The following CNTN1 variants were observed in gnomAD, a reference collection of about 807,000 sequenced individuals.
CNTN1 encodes the protein contactin 1.
A neutral mutation model predicts 126.4 loss-of-function variants in CNTN1; 38 were observed. The ratio of observed to expected loss-of-function variants is 0.30; its 90% CI spans 0.23 to 0.39. The LOEUF is 0.39. Ranked by LOEUF, CNTN1 falls within the 10% of genes least tolerant of loss-of-function variation. The pLI is 1.00. For missense variants in CNTN1, 1,009 were observed against 1,248.4 expected, an observed-to-expected ratio of 0.81 and a Z score of 2.89; for synonymous variants, 413 against 422.6, an observed-to-expected ratio of 0.98 and a Z score of 0.28.
chr12:40,700,756 C>T (rs1172287225), intron 1 of CNTN1, among the ~76,000 whole-genome samples: 1 of 151,570 alleles, frequency 6.6e-6, no homozygotes, highest in Non-Finnish European at 1.5e-5. Flanking sequence ...TTACAAACAC[C>T]GAGATATAAG....
intron 1 of CNTN1, among the ~76,000 whole-genome samples, chr12:40,891,690 T>C (rs1246732385): frequency 2.0e-5 from 3 of 152,216 alleles, no homozygotes; most frequent in East Asian, 3.9e-4. Context: ...AGTCAGTTGA[T>C]TATCTTTATA....
chr12:40,697,495 G>A (rs1306379368), intron 1 of CNTN1, among the ~76,000 whole-genome samples: 1 of 152,050 alleles, frequency 6.6e-6, no homozygotes, highest in African/African-American at 2.4e-5. Flanking sequence ...TCTGCATCTT[G>A]TTCTTTGCAT....
chr12:40,943,149 C>T (rs1946314483), intron 12 of CNTN1, among the ~76,000 whole-genome samples: 2 of 151,966 alleles, frequency 1.3e-5, no homozygotes, highest in African/African-American at 4.8e-5. Context: ...TTAATTTGTT[C>T]CAGAAGTTGT....
At chr12:41,044,797 T>C (rs1293951975) in intron 23 of CNTN1, among the ~76,000 whole-genome samples, 7 of 152,102 alleles carry the variant, frequency 4.6e-5, no homozygotes, top group Non-Finnish European at 1.0e-4. Context: ...AATGAACCAA[T>C]AGTCCTAAGG....
chr12:40,852,608 A>AT lies in CNTN1; in HGVS notation c.-76-55741dup, dbSNP rs527736432. On this transcript the variant is annotated intron_variant, in intron 1 of 23. Coordinates refer to ENST00000551295, the MANE Select transcript of CNTN1 (RefSeq NM_001843.4). ...CTACTAAAATTAATGTCCCAATGGC[A>AT]TTTTTTTTCAAAATCTGAGAATAAA... 1.1e-3 allele frequency among the ~76,000 whole-genome samples: 173 copies of AT among 151,512 alleles called. 2 individuals are homozygous for AT. Among genetic ancestry groups the AT allele is most frequent in the African/African-American group, 3.7e-3 (152 of 41,322 alleles).
chr12:40,784,732 G>A (rs953511567), intron 1 of CNTN1, among the ~76,000 whole-genome samples: 2 of 152,034 alleles, frequency 1.3e-5, no homozygotes, highest in East Asian at 1.9e-4. Context: ...CAACAGGGTC[G>A]TGTTCTATAT....
At chr12:40,973,008 A>G (rs1947567190) in intron 15 of CNTN1, among the ~76,000 whole-genome samples, 1 of 152,088 alleles carries the variant, frequency 6.6e-6, no homozygotes, top group Non-Finnish European at 1.5e-5. Flanking sequence ...TGTTTTTTAA[A>G]GAAATAATAA....
intron 14 of CNTN1, among the ~76,000 whole-genome samples, chr12:40,955,593 A>C (rs924454781): frequency 3.3e-5 from 5 of 152,102 alleles, no homozygotes; most frequent in Non-Finnish European, 7.4e-5. Flanking sequence ...TTTAATAAAA[A>C]CACTTTAGAT....
chr12:41,007,736 G>T (rs1161324928), intron 17 of CNTN1, among the ~76,000 whole-genome samples: 1 of 152,168 alleles, frequency 6.6e-6, no homozygotes, highest in East Asian at 1.9e-4. Context: ...CATGCAAATG[G>T]GCTTTCCAGT....
chr12:40,900,350 C>T (rs193149552), intron 1 of CNTN1, among the ~76,000 whole-genome samples: 156 of 152,254 alleles, frequency 1.0e-3, no homozygotes, highest in Non-Finnish European at 1.3e-3. Context: ...TACAGCCACA[C>T]GTATTCCCTG....
intron 3 of CNTN1, among the ~76,000 whole-genome samples, chr12:40,916,542 C>T (rs1945252530): frequency 1.3e-5 from 2 of 152,122 alleles, no homozygotes; most frequent in Admixed American, 6.6e-5. Context: ...CTGTTACAAC[C>T]TGAAGAGCCA....
intron 1 of CNTN1, among the ~76,000 whole-genome samples, chr12:40,734,331 A>C (rs879444875): frequency 2.6e-5 from 4 of 152,156 alleles, no homozygotes; most frequent in Admixed American, 6.6e-5. Flanking sequence ...CACATTTATA[A>C]TTATATGAAA....
intron 1 of CNTN1, among the ~76,000 whole-genome samples, chr12:40,834,316 G>A (rs900494144): frequency 3.9e-5 from 6 of 152,096 alleles, no homozygotes; most frequent in East Asian, 1.9e-4. Flanking sequence ...CCTTTCACCC[G>A]TTCTGCTCCT....
chr12:40,755,066 C>T (rs1159280582), intron 1 of CNTN1, among the ~76,000 whole-genome samples: 1 of 151,466 alleles, frequency 6.6e-6, no homozygotes, highest in Admixed American at 6.6e-5. Flanking sequence ...TGGCATATGC[C>T]TGTAGTCCCA....
At chr12:40,972,128 T>C (rs1480374370) in intron 15 of CNTN1, 1 of 985,416 alleles carries the variant, frequency 1.0e-6, no homozygotes, top group African/African-American at 1.7e-5. Context: ...ATGGATAGCA[T>C]GTGGGGGAAA....
At chr12:41,065,216 C>T (rs1384787793) in intron 23 of CNTN1, among the ~76,000 whole-genome samples, 3 of 152,154 alleles carry the variant, frequency 2.0e-5, no homozygotes, top group Non-Finnish European at 2.9e-5. Flanking sequence ...CCACCAAGCC[C>T]GGCTACTTTT....
chr12:40,772,789 T>G (rs183089175), intron 1 of CNTN1, among the ~76,000 whole-genome samples: 4 of 151,864 alleles, frequency 2.6e-5, no homozygotes, highest in Non-Finnish European at 5.9e-5. Context: ...ATTAAAAAGT[T>G]GTTGTAATTG....
intron 23 of CNTN1, among the ~76,000 whole-genome samples, chr12:41,053,529 T>G (rs1379833028): frequency 1.4e-5 from 2 of 144,488 alleles, no homozygotes; most frequent in African/African-American, 5.1e-5. Flanking sequence ...CTCTTGTTAT[T>G]TTGTAATTTT....
intron 20 of CNTN1, among the ~76,000 whole-genome samples, chr12:41,022,739 T>C (rs1948948913): frequency 6.6e-6 from 1 of 152,202 alleles, no homozygotes; most frequent in African/African-American, 2.4e-5. Flanking sequence ...GACACTATTA[T>C]TATCCCTATT....
Sources: gnomAD v4.1 joint callset for allele counts (sites outside exome capture counted in the v4.1 genomes callset) on GRCh38, gnomAD v4.1.1 for gene constraint, MANE v1.5 for transcripts, NCBI Gene and HGNC (gene_info 2026-07-23, HGNC 2026-07-21) for gene names.